The following RALGAPB variants were observed in gnomAD, a reference collection of about 807,000 sequenced individuals.
The protein encoded by RALGAPB is ral GTPase-activating protein subunit beta.
In RALGAPB, 25 loss-of-function variants were observed where a neutral mutation model predicts 161.1. That is an observed-to-expected ratio of 0.16 (90% CI 0.11 to 0.22). The LOEUF (loss-of-function observed/expected upper bound fraction) is 0.22, where lower values mean the gene tolerates loss of function less well. RALGAPB is among the 10% of genes least tolerant of loss of function. The pLI is 1.00. For synonymous variants in RALGAPB, 629 were observed against 626.1 expected (o/e 1.00, Z -0.07); for missense variants, 1,391 against 1,815.2 (o/e 0.77, Z 4.25).
chr20:38,536,776 G>A (rs1169199448), intron 16 of RALGAPB, among the ~76,000 whole-genome samples: 1 of 152,150 alleles, frequency 6.6e-6, no homozygotes, highest in African/African-American at 2.4e-5. Flanking sequence ...TTTCAGTTAT[G>A]GGAATAGTTG....
intron 23 of RALGAPB, among the ~76,000 whole-genome samples, chr20:38,560,474 T>C (rs1353952439): frequency 6.6e-6 from 1 of 152,106 alleles, no homozygotes; most frequent in East Asian, 1.9e-4. Flanking sequence ...CTTCATGAAT[T>C]TCATTATGGG....
rs753730165 is a variant in RALGAPB, at chr20:38,575,666, G to T, written c.*699G>T. The T allele has an allele frequency of 6.6e-6, 1 of 152,344 alleles. No individual in the cohort carries two copies. The highest frequency in any genetic ancestry group is 1.5e-5 in the Non-Finnish European group (1 of 68,062). 9.4% of individuals were successfully genotyped at this position (152,344 alleles called of 1,614,324 possible). ...CAGATCAGAAATGGAGCATGGCCTT[G>T]TCCTTTAATGGGGATGCAAATAAAG... On this transcript the variant is annotated 3_prime_UTR_variant, in exon 30 of 30. Transcript: ENST00000262879.
intron 6 of RALGAPB, 133 bp from the exon 7 acceptor site, chr20:38,516,059 C>T: frequency 1.6e-6 from 1 of 628,554 alleles, no homozygotes; most frequent in Non-Finnish European, 2.5e-6. Flanking sequence ...AATCGCTGGC[C>T]CATTAAATAC....
At chr20:38,503,768 A>AT (rs1405272254) in intron 5 of RALGAPB, among the ~76,000 whole-genome samples, 2 of 152,168 alleles carry the variant, frequency 1.3e-5, no homozygotes, top group Admixed American at 6.5e-5. Flanking sequence ...CCACAGATAA[A>AT]TTTTTTGTGA....
chr20:38,497,198 A>G (rs1318883168), intron 3 of RALGAPB, among the ~76,000 whole-genome samples, 155 bp from the exon 4 acceptor site: 1 of 152,222 alleles, frequency 6.6e-6, no homozygotes, highest in Non-Finnish European at 1.5e-5. Flanking sequence ...AGTAAGAAGT[A>G]GCTTTAAACT....
At chr20:38,541,950 G>A (rs1237518650) in intron 18 of RALGAPB, among the ~76,000 whole-genome samples, 3 of 152,162 alleles carry the variant, frequency 2.0e-5, no homozygotes, top group Non-Finnish European at 4.4e-5. Context: ...GAATTTTGGT[G>A]TAGTAAAGTG....
At chr20:38,548,020 C>T (rs950083864) in intron 19 of RALGAPB, 2 of 152,100 alleles carry the variant, frequency 1.3e-5, no homozygotes, top group African/African-American at 2.4e-5. Flanking sequence ...TATAGATTTA[C>T]AAGGACATTT....
intron 13 of RALGAPB, among the ~76,000 whole-genome samples, chr20:38,527,132 A>G (rs1464400904): frequency 6.6e-6 from 1 of 152,214 alleles, no homozygotes; most frequent in Non-Finnish European, 1.5e-5. Context: ...TGACCTTGGC[A>G]GTGGTTAGAG....
At chr20:38,566,598 C>G (rs1040014079) in intron 25 of RALGAPB, among the ~76,000 whole-genome samples, 2 of 152,174 alleles carry the variant, frequency 1.3e-5, no homozygotes, top group Non-Finnish European at 2.9e-5. Flanking sequence ...GGATAACTTT[C>G]TGTGTACTTA....
At chr20:38,483,474 T>C (rs181225456) in intron 1 of RALGAPB, among the ~76,000 whole-genome samples, 1 of 152,350 alleles carries the variant, frequency 6.6e-6, no homozygotes, top group African/African-American at 2.4e-5. Context: ...TTATATGTAA[T>C]ACTACAGTGA....
At chr20:38,500,830 G>A (rs1321452049) in intron 5 of RALGAPB, among the ~76,000 whole-genome samples, 1 of 152,160 alleles carries the variant, frequency 6.6e-6, no homozygotes, top group African/African-American at 2.4e-5. Flanking sequence ...TTATGATATG[G>A]AGAAAGTTTG....
chr20:38,570,868 GT>G (rs1290340176), intron 28 of RALGAPB, 21 bp downstream of exon 28: 10 of 1,490,714 alleles, frequency 6.7e-6, no homozygotes, highest in Non-Finnish European at 9.3e-6. Context: ...TTTGCTTGAA[GT>G]TCATCAGCGT....
At chr20:38,565,277 A>G in intron 24 of RALGAPB, 82 bp from the exon 25 acceptor site, 6 of 1,490,594 alleles carry the variant, frequency 4.0e-6, no homozygotes, top group Non-Finnish European at 5.5e-6. Context: ...TTTATTAACC[A>G]GTTAACATTT....
Position 38,532,748 on chromosome 20 carries a change from C to A in RALGAPB, c.2134C>A (p.Leu712Met). 1 of 1,613,874 alleles carries A rather than the reference C, an allele frequency of 6.2e-7. No individual in the cohort carries two copies. Among genetic ancestry groups the A allele is most frequent in the South Asian group, 1.1e-5 (1 of 91,068 alleles). Residue 712 changes from leucine to methionine, a missense_variant, in exon 15 of 30, where the codon CTG (leucine) becomes ATG (methionine). Transcript: ENST00000262879. ...QMEMGGGENNLKSHSRTNSGI... is the reference protein window; with the variant it reads ...QMEMGGGENNMKSHSRTNSGI... Reference sequence around the variant, plus strand: ...TGACTAGGGTGGTGGAGAAAATAACCTGAAGAGTCATAGTCGCACCAATAG... The same window carrying A: ...TGACTAGGGTGGTGGAGAAAATAACATGAAGAGTCATAGTCGCACCAATAG...
At chr20:38,493,268 A>G in intron 3 of RALGAPB, 136 bp downstream of exon 3, 1 of 700,858 alleles carries the variant, frequency 1.4e-6, no homozygotes, top group Non-Finnish European at 2.3e-6. Flanking sequence ...AGATTGTATT[A>G]ATGTGAATGT....
intron 4 of RALGAPB, among the ~76,000 whole-genome samples, chr20:38,498,176 CAA>C (rs1327432381): frequency 1.3e-5 from 2 of 151,744 alleles, no homozygotes; most frequent in Non-Finnish European, 2.9e-5. Flanking sequence ...TTGGTAGTGA[CAA>C]GATATTTTAC....
chr20:38,481,228 G>T (rs2084959412), intron 1 of RALGAPB, among the ~76,000 whole-genome samples: 1 of 152,084 alleles, frequency 6.6e-6, no homozygotes, highest in Non-Finnish European at 1.5e-5. Context: ...GTGGTGTCTT[G>T]CCTATAGTTT....
intron 24 of RALGAPB, 35 bp downstream of exon 24, chr20:38,562,732 CTTGT>C: frequency 1.9e-6 from 3 of 1,544,228 alleles, no homozygotes; most frequent in South Asian, 1.2e-5. Context: ...TCAGTTGTTT[CTTGT>C]TTGTTAGTCT....
intron 28 of RALGAPB, among the ~76,000 whole-genome samples, chr20:38,573,249 T>G (rs1391610010): frequency 1.3e-5 from 2 of 152,140 alleles, no homozygotes; most frequent in Non-Finnish European, 2.9e-5. Context: ...AAATGTATAT[T>G]TTATTGGTAG....
Sources: allele counts gnomAD v4.1 joint callset (sites outside exome capture counted in the v4.1 genomes callset), GRCh38; gene constraint gnomAD v4.1.1; transcripts MANE v1.5; gene names NCBI Gene and HGNC (gene_info 2026-07-23, HGNC 2026-07-21).